The following PPP2R1A variants were observed in gnomAD, a reference collection of about 807,000 sequenced individuals.
PPP2R1A encodes the protein serine/threonine-protein phosphatase 2A 65 kDa regulatory subunit A alpha isoform.
Under a neutral mutation model 67.1 loss-of-function variants are expected in PPP2R1A, and 15 were observed. The observed-to-expected ratio is 0.22, with a 90% CI of 0.15 to 0.34. The LOEUF is 0.34. Among genes scored for constraint, PPP2R1A ranks in the 10% least tolerant of loss-of-function variants. PPP2R1A has a pLI of 1.00. For missense variants in PPP2R1A, 369 were observed against 775.0 expected, an observed-to-expected ratio of 0.48 and a Z score of 6.22; for synonymous variants, 337 against 325.0, an observed-to-expected ratio of 1.04 and a Z score of -0.40.
rs777641879 is a variant in PPP2R1A at position 52,216,571 on chromosome 19, G to A, written c.1036G>A (p.Ala346Thr). The change falls in exon 9 of 15, where the codon GCC becomes ACC. Residue 346 changes from alanine (A) to threonine (T), a missense_variant. By Grantham distance (58) the Ala-to-Thr change is moderately conservative (BLOSUM62 0). This residue lies in a region of PPP2R1A where 276 missense variants were observed against 508.4 expected (regional missense o/e 0.54). Coordinates refer to ENST00000322088, the MANE Select transcript of PPP2R1A (RefSeq NM_014225.6). The surrounding 1 kb of genome is among the most constrained non-coding windows in gnomAD (Gnocchi z 4.3). ...DANQHVKSAL[A>T]SVIMGLSPIL... The stretch of plus-strand genomic sequence containing the variant: ...CAACCAACATGTCAAGTCTGCCCTG[G>A]CCTCAGTCATCATGGGTCTCTCTCC... The A allele has an allele frequency of 6.2e-7, 1 of 1,614,136 alleles. No homozygotes were observed. The highest frequency in any genetic ancestry group is 8.5e-7 in the Non-Finnish European group (1 of 1,180,030).
At chr19:52,192,944 G>C (rs2089467897) in intron 1 of PPP2R1A, among the ~76,000 whole-genome samples, 1 of 152,218 alleles carries the variant, frequency 6.6e-6, no homozygotes, top group Non-Finnish European at 1.5e-5. Context: ...GGTTGTAACA[G>C]AGATGGCCGC....
At chr19:52,221,473 G>C (rs1396567472) in intron 12 of PPP2R1A, among the ~76,000 whole-genome samples, 1 of 152,118 alleles carries the variant, frequency 6.6e-6, no homozygotes, top group Non-Finnish European at 1.5e-5. Flanking sequence ...GAGTGTATGG[G>C]CTCTAGGTCA....
chr19:52,206,027 C>T lies in PPP2R1A; in HGVS notation c.234C>T (p.Thr78=). The T allele has an allele frequency of 6.2e-7, 1 of 1,614,118 alleles. No homozygotes were observed. The highest frequency in any genetic ancestry group is 1.1e-5 in the South Asian group (1 of 91,088). ...ALAEQLGTFT[T]LVGGPEYVHC... ...CAGAACAGCTGGGAACCTTCACTAC[C>T]CTGGTGGGAGGCCCAGAGTACGTGC... is the stretch of plus-strand genomic sequence containing the variant. Residue 78 remains threonine (T), a synonymous_variant, in exon 3 of 15, where the codon ACC becomes ACT. Coordinates refer to ENST00000322088, the MANE Select transcript of PPP2R1A (RefSeq NM_014225.6).
At chr19:52,222,281 C>T in intron 13 of PPP2R1A, 40 bp downstream of exon 13, 1 of 1,594,146 alleles carries the variant, frequency 6.3e-7, no homozygotes, top group South Asian at 1.1e-5. Context: ...GCAGGGGCTT[C>T]TTGTGGGCAC....
In PPP2R1A at chr19:52,212,189, A is replaced by T. The variant is rs2089676403; in HGVS notation, c.504-497A>T. On this transcript the variant is annotated intron_variant, in intron 4 of 14. Coordinates refer to ENST00000322088, the MANE Select transcript of PPP2R1A (RefSeq NM_014225.6). The surrounding 1 kb of genome is among the most constrained non-coding windows in gnomAD (Gnocchi z 4.1). ...CAGCCTCAACCTCCTGGGCTCAAGCATTCCTCCTGCCTTAGCCTCTCAAAT... is the reference window on the plus strand; with the variant it reads ...CAGCCTCAACCTCCTGGGCTCAAGCTTTCCTCCTGCCTTAGCCTCTCAAAT... Among the ~76,000 whole-genome samples, 1 of 152,186 alleles carries T rather than the reference A, an allele frequency of 6.6e-6. No individual in the cohort carries two copies.
At chr19:52,195,045 G>A (rs1387909275) in intron 1 of PPP2R1A, among the ~76,000 whole-genome samples, 1 of 152,206 alleles carries the variant, frequency 6.6e-6, no homozygotes, top group African/African-American at 2.4e-5. Flanking sequence ...TTGTAGGCCA[G>A]AGTAAGGCCT....
rs574513557 is a variant in PPP2R1A, at chr19:52,212,067, C to A, written c.503+575C>A. 6.6e-6 allele frequency among the ~76,000 whole-genome samples: 1 copy of A among 152,306 alleles called. No homozygotes were observed. The highest frequency in any genetic ancestry group is 6.5e-5 in the Admixed American group (1 of 15,304). On this transcript the variant is annotated intron_variant, in intron 4 of 14. Coordinates refer to ENST00000322088, the MANE Select transcript of PPP2R1A (RefSeq NM_014225.6). The surrounding 1 kb of genome is among the most constrained non-coding windows in gnomAD (Gnocchi z 4.1). ...AAGCCTTTCTGTGGCTCTAGACCTG[C>A]CTCTTAGTTAAGCAGTTTTTTGTTT...
At chr19:52,197,441 G>A (rs1317155537) in intron 1 of PPP2R1A, among the ~76,000 whole-genome samples, 5 of 152,072 alleles carry the variant, frequency 3.3e-5, no homozygotes, top group African/African-American at 7.2e-5. Context: ...TTGGGAGGTC[G>A]AGGTGGGAGG....
At chr19:52,222,009 G>A (rs1978963987) in intron 12 of PPP2R1A, 90 bp from the exon 13 acceptor site, 1 of 1,355,950 alleles carries the variant, frequency 7.4e-7, no homozygotes, top group East Asian at 2.6e-5. Context: ...GGGGCCTGAT[G>A]ATCACCAGAG....
At chr19:52,204,325 C>A (rs564256370) in intron 2 of PPP2R1A, among the ~76,000 whole-genome samples, 1 of 152,220 alleles carries the variant, frequency 6.6e-6, no homozygotes, top group Non-Finnish European at 1.5e-5. Context: ...TTCTTTTACA[C>A]CTGAAAGAGT....
rs771813413 is a variant in PPP2R1A, at chr19:52,211,523, C to T, written c.503+31C>T. The T allele has an allele frequency of 4.4e-6, 7 of 1,579,536 alleles. No homozygotes were observed. Among genetic ancestry groups the T allele is most frequent in the Non-Finnish European group, 5.2e-6 (6 of 1,160,288 alleles). ...TCTCTGCCTCCTTGGAAGCTCCAAG[C>T]TCCCATCTCAGCTCCAACCTTCTCT... On this transcript the variant is annotated intron_variant, in intron 4 of 14. Coordinates refer to ENST00000322088, the MANE Select transcript of PPP2R1A (RefSeq NM_014225.6). The surrounding 1 kb of genome is among the most constrained non-coding windows in gnomAD (Gnocchi z 5.3).
At chr19:52,205,138 G>C (rs556907464) in intron 2 of PPP2R1A, among the ~76,000 whole-genome samples, 30 of 152,280 alleles carry the variant, frequency 2.0e-4, no homozygotes, top group Non-Finnish European at 4.4e-4. Flanking sequence ...CTGCTGGATT[G>C]CCATACACCC....
intron 11 of PPP2R1A, 128 bp downstream of exon 11, chr19:52,220,377 A>G: frequency 1.0e-6 from 1 of 967,206 alleles, no homozygotes; most frequent in Non-Finnish European, 1.6e-6. Context: ...GCTCGTATGG[A>G]CCAGCTCGCA....
rs2122337805 is a variant in PPP2R1A, at chr19:52,212,992, A to G, written c.689A>G (p.Asn230Ser). The G allele has an allele frequency of 6.2e-7, 1 of 1,610,076 alleles. No individual in the cohort carries two copies. The highest frequency in any genetic ancestry group is 1.1e-5 in the South Asian group (1 of 90,618). Residue 230 changes from asparagine (N) to serine (S), a missense_variant, in exon 6 of 15, where the codon AAC becomes AGC. This residue lies in a region of PPP2R1A where 276 missense variants were observed against 508.4 expected (regional missense o/e 0.54). Transcript: ENST00000322088. The surrounding 1 kb of genome is among the most constrained non-coding windows in gnomAD (Gnocchi z 4.1). ...CTGCTGGCGGTGGAGGCGTGCGTGA[A>G]CATCGCCCAGCTTCTGCCCCAGGAG... ...VRLLAVEACV[N>S]IAQLLPQEDL...
chr19:52,222,321 C>T, intron 13 of PPP2R1A, 80 bp downstream of exon 13: 2 of 1,528,314 alleles, frequency 1.3e-6, no homozygotes, highest in Non-Finnish European at 8.8e-7. Context: ...AGGTAGAGCC[C>T]AGGGTCAGAG....
chr19:52,204,780 G>A (rs2089585876), intron 2 of PPP2R1A, among the ~76,000 whole-genome samples: 1 of 152,142 alleles, frequency 6.6e-6, no homozygotes, highest in African/African-American at 2.4e-5. Context: ...TGAAGGAAGA[G>A]GCAGAGATAC....
chr19:52,190,287 C>T lies in PPP2R1A; in HGVS notation c.78+113C>T, dbSNP rs41275796. 0.031 allele frequency: 38,007 copies of T among 1,227,742 alleles called. 740 individuals are homozygous for T. The highest frequency in any genetic ancestry group is 0.037 in the Non-Finnish European group (32,609 of 871,594). 76.1% of individuals were successfully genotyped at this position (1,227,742 alleles called of 1,614,324 possible). A position where few individuals can be genotyped will look rare whatever the true frequency, so the allele number is the denominator to read the frequency against. On this transcript the variant is annotated intron_variant, in intron 1 of 14. Coordinates refer to ENST00000322088, the MANE Select transcript of PPP2R1A (RefSeq NM_014225.6). ...GGGAGTGGCGGAAGGGGGCGACGGC[C>T]AATCAGCGTGCGTCTCTTATCTCCC...
intron 6 of PPP2R1A, among the ~76,000 whole-genome samples, chr19:52,215,131 C>T (rs1369417987): frequency 1.3e-5 from 2 of 152,226 alleles, no homozygotes; most frequent in Non-Finnish European, 2.9e-5. Flanking sequence ...TCACGGCTCA[C>T]TGCAGCCTTG....
In PPP2R1A at chr19:52,219,910, G is replaced by A. The variant is rs2122361051; in HGVS notation, c.1302+46G>A. ...GCCAGGCAGTGCTGCCTCAGGGGAG[G>A]TGCAGTATGTCCAGGGCTGTGATGG... On this transcript the variant is annotated intron_variant, in intron 10 of 14. Coordinates refer to ENST00000322088, the MANE Select transcript of PPP2R1A (RefSeq NM_014225.6). This position sits in a 1 kb window ranked among gnomAD's most constrained non-coding sequence, Gnocchi z 4.0. 6.4e-7 allele frequency: 1 copy of A among 1,574,544 alleles called. No homozygotes were observed. The highest frequency in any genetic ancestry group is 8.6e-7 in the Non-Finnish European group (1 of 1,161,194).
Sources: allele counts gnomAD v4.1 joint callset (sites outside exome capture counted in the v4.1 genomes callset), GRCh38; gene constraint gnomAD v4.1.1; regional missense constraint gnomAD v4.1.1; non-coding constraint Gnocchi (gnomAD v3.1); transcripts MANE v1.5; gene names NCBI Gene and HGNC (gene_info 2026-07-23, HGNC 2026-07-21).